CLPB: variants seen among roughly 807,000 people sequenced by gnomAD.
CLPB encodes the protein mitochondrial disaggregase.
In CLPB, 40 loss-of-function variants were observed where a neutral mutation model predicts 78.4. The observed-to-expected ratio is 0.51, with a 90% CI of 0.40 to 0.66. The LOEUF is 0.66. Among genes scored for constraint, CLPB ranks in the 30% least tolerant of loss-of-function variants. CLPB has a pLI of 0.00. For missense variants in CLPB, 780 were observed against 886.9 expected, an observed-to-expected ratio of 0.88 and a Z score of 1.53; for synonymous variants, 333 against 348.0, an observed-to-expected ratio of 0.96 and a Z score of 0.48.
intron 4 of CLPB, among the ~76,000 whole-genome samples, chr11:72,378,960 G>C (rs535451449): frequency 6.6e-6 from 1 of 152,312 alleles, no homozygotes; most frequent in South Asian, 2.1e-4. Flanking sequence ...CCTTTGTGGA[G>C]GATCTAGCCT....
intron 4 of CLPB, chr11:72,373,006 G>C: frequency 6.2e-7 from 1 of 1,614,008 alleles, no homozygotes; most frequent in Middle Eastern, 1.6e-4. Flanking sequence ...GCACCGTCCT[G>C]TCCCCCATCT....
At chr11:72,348,815 T>C (rs57276029) in intron 5 of CLPB, among the ~76,000 whole-genome samples, 11,721 of 152,268 alleles carry the variant, frequency 0.077, 752 homozygotes, top group East Asian at 0.17. Context: ...CTAGTACCCA[T>C]TAATTCAACA....
chr11:72,372,752 C>G (rs1416694561), intron 4 of CLPB, among the ~76,000 whole-genome samples: 1 of 152,190 alleles, frequency 6.6e-6, no homozygotes, highest in Non-Finnish European at 1.5e-5. Context: ...TTATTCTCAT[C>G]TGAGTTTTTG....
intron 4 of CLPB, among the ~76,000 whole-genome samples, chr11:72,360,784 G>T (rs547008358): frequency 1.3e-5 from 2 of 152,238 alleles, no homozygotes; most frequent in Admixed American, 1.3e-4. Context: ...GCCTGACATG[G>T]TCACTTCACA....
At chr11:72,297,159 G>C (rs1949565720) in intron 11 of CLPB, among the ~76,000 whole-genome samples, 2 of 152,246 alleles carry the variant, frequency 1.3e-5, no homozygotes, top group African/African-American at 4.8e-5. Flanking sequence ...AGAAAGCACA[G>C]CTCCCGCCAA....
At chr11:72,401,210 C>T (rs567082983) in intron 3 of CLPB, among the ~76,000 whole-genome samples, 5 of 152,092 alleles carry the variant, frequency 3.3e-5, no homozygotes, top group East Asian at 1.9e-4. Context: ...GAGGCCAAGG[C>T]GGGTGGATCA....
intron 5 of CLPB, among the ~76,000 whole-genome samples, chr11:72,350,901 C>T (rs1227809624): frequency 2.0e-5 from 3 of 152,116 alleles, no homozygotes; most frequent in African/African-American, 4.8e-5. Context: ...GGAGGTTTCT[C>T]GTATACTTAG....
chr11:72,308,280 C>A (rs1212763503), intron 8 of CLPB, among the ~76,000 whole-genome samples: 1 of 152,212 alleles, frequency 6.6e-6, no homozygotes, highest in East Asian at 1.9e-4. Context: ...CCTGGTCCTC[C>A]ATGTGAATCA....
At chr11:72,413,636 C>A (rs1855941023) in intron 2 of CLPB, among the ~76,000 whole-genome samples, 1 of 152,206 alleles carries the variant, frequency 6.6e-6, no homozygotes, top group East Asian at 1.9e-4. Flanking sequence ...ATAGCAATCT[C>A]CCCCTGTGAT....
Position 72,291,548 on chromosome 11 carries a change from T to C in CLPB, c.*1819A>G, listed in dbSNP as rs1949452502. 3 of 151,934 alleles carry C rather than the reference T, an allele frequency of 2.0e-5. No individual in the cohort carries two copies. Among genetic ancestry groups the C allele is most frequent in the Admixed American group, 6.6e-5 (1 of 15,252 alleles). The allele number at this position is 151,934 out of a possible 1,614,324, so 9.4% of individuals were successfully genotyped here. On this transcript the variant is annotated 3_prime_UTR_variant, in exon 16 of 16. Transcript: ENST00000538039. Reference sequence around the variant, plus strand: ...GTCTCGAACTCCTGACCTCAGGTAATCTGCCTGCCTCAGCCTCCCAAAGTG... The same window carrying C: ...GTCTCGAACTCCTGACCTCAGGTAACCTGCCTGCCTCAGCCTCCCAAAGTG...
intron 4 of CLPB, among the ~76,000 whole-genome samples, chr11:72,362,012 A>C (rs1264923675): frequency 6.6e-6 from 1 of 152,248 alleles, no homozygotes; most frequent in Non-Finnish European, 1.5e-5. Context: ...CTGGTGTCAT[A>C]GCCCAACTAA....
At chr11:72,352,543 C>T (rs1193249259) in intron 5 of CLPB, 1 of 152,300 alleles carries the variant, frequency 6.6e-6, no homozygotes, top group Non-Finnish European at 1.5e-5. Flanking sequence ...GGTACACTTG[C>T]ATTCATCCTT....
chr11:72,316,760 T>A (rs186067991), intron 7 of CLPB, among the ~76,000 whole-genome samples: 12 of 152,316 alleles, frequency 7.9e-5, no homozygotes, highest in Admixed American at 7.8e-4. Flanking sequence ...CCTCTCTGGG[T>A]CTCAATTCTC....
chr11:72,373,963 A>C (rs1951092639), intron 4 of CLPB, among the ~76,000 whole-genome samples: 1 of 136,386 alleles, frequency 7.3e-6, no homozygotes, highest in Non-Finnish European at 1.6e-5. Flanking sequence ...TCTGTCTCAA[A>C]AAAAAAAAAA....
At chr11:72,301,630 C>G (rs1483663273) in intron 11 of CLPB, among the ~76,000 whole-genome samples, 173 bp downstream of exon 11, 1 of 152,246 alleles carries the variant, frequency 6.6e-6, no homozygotes, top group Admixed American at 6.5e-5. Context: ...GTGCCCCACC[C>G]AGGCCCTAGT....
intron 2 of CLPB, among the ~76,000 whole-genome samples, chr11:72,426,967 G>T (rs1856398795): frequency 6.6e-6 from 1 of 152,216 alleles, no homozygotes; most frequent in African/African-American, 2.4e-5. Flanking sequence ...GGCAGGTGTA[G>T]GATCAGAGTG....
At chr11:72,371,539 AAAATAAAAT>A (rs1275258185) in intron 4 of CLPB, among the ~76,000 whole-genome samples, 1 of 3,838 alleles carries the variant, frequency 2.6e-4, no homozygotes, top group Non-Finnish European at 5.5e-4. Context: ...TCTCAAAAAT[AAAATAAAAT>A]AAAATAAAAT....
chr11:72,358,735 C>T, intron 5 of CLPB, 145 bp downstream of exon 5: 3 of 716,946 alleles, frequency 4.2e-6, no homozygotes, highest in Non-Finnish European at 6.8e-6. Context: ...TAACAGGGCT[C>T]TGGGGAAGTA....
intron 2 of CLPB, among the ~76,000 whole-genome samples, chr11:72,420,500 A>G (rs1473869094): frequency 2.8e-5 from 4 of 141,664 alleles, no homozygotes; most frequent in Non-Finnish European, 6.4e-5. Flanking sequence ...TCTCAGGGGA[A>G]AAAAAAAAAA....
Sources: gnomAD v4.1 joint callset for allele counts (sites outside exome capture counted in the v4.1 genomes callset) on GRCh38, gnomAD v4.1.1 for gene constraint, MANE v1.5 for transcripts, NCBI Gene and HGNC (gene_info 2026-07-23, HGNC 2026-07-21) for gene names.